The following NDOR1 variants were observed in gnomAD, a reference collection of about 807,000 sequenced individuals.
The protein encoded by NDOR1 is NADPH-dependent diflavin oxidoreductase 1.
In NDOR1, 61 loss-of-function variants were observed where a neutral mutation model predicts 67.2. That is an observed-to-expected ratio of 0.91 (90% CI 0.74 to 1.12). NDOR1 has a LOEUF of 1.12. Ranked by LOEUF, NDOR1 falls within the 50% of genes most tolerant of loss-of-function variation. The pLI, the probability that NDOR1 is intolerant of heterozygous loss-of-function variation, is 0.00. For missense variants in NDOR1, 878 were observed against 802.8 expected, an observed-to-expected ratio of 1.09 and a Z score of -1.13; for synonymous variants, 378 against 343.7, an observed-to-expected ratio of 1.10 and a Z score of -1.10.
intron 2 of NDOR1, among the ~76,000 whole-genome samples, chr9:137,211,106 A>C (rs995934264): frequency 1.3e-5 from 2 of 152,342 alleles, no homozygotes; most frequent in East Asian, 3.9e-4. Context: ...GCACCATTGC[A>C]CTCCAGCCTG....
At position 137,218,793 on chromosome 9, in the gene NDOR1, CAG is replaced by C; in HGVS notation, c.*2380_*2381del. 1 of 396,832 alleles carries C rather than the reference CAG, an allele frequency of 2.5e-6. No individual in the cohort carries two copies. The highest frequency in any genetic ancestry group is 4.4e-6 in the Non-Finnish European group (1 of 225,410). The allele number at this position is 396,832 out of a possible 1,614,324, so 24.6% of individuals were successfully genotyped here. On this transcript the variant is annotated 3_prime_UTR_variant, in exon 14 of 14. Coordinates refer to ENST00000684003, the MANE Select transcript of NDOR1 (RefSeq NM_014434.4). Reference sequence around the variant, plus strand: ...GGGCTACCCAGAGGCCTGACCCTGCCAGAGTCCATGGCTGCACTGCTGCCCAG... The same window carrying C: ...GGGCTACCCAGAGGCCTGACCCTGCCAGTCCATGGCTGCACTGCTGCCCAG...
Position 137,212,423 on chromosome 9 carries a change from T to C in NDOR1, c.214-79T>C. The C allele has an allele frequency of 7.6e-7, 1 of 1,312,378 alleles. No individual in the cohort carries two copies. The highest frequency in any genetic ancestry group is 1.1e-6 in the Non-Finnish European group (1 of 908,508). 81.3% of individuals were successfully genotyped at this position (1,312,378 alleles called of 1,614,324 possible). On this transcript the variant is annotated intron_variant, in intron 2 of 13. Transcript: ENST00000684003. The surrounding 1 kb of genome is among the most constrained non-coding windows in gnomAD (Gnocchi z 4.3). The stretch of plus-strand genomic sequence containing the variant: ...CATCCTACCCACCTGCCTGTTCCCC[T>C]GAGACCCTCCCCTCACCCCCTGCTG...
intron 9 of NDOR1, 62 bp from the exon 10 acceptor site, chr9:137,215,345 A>G: frequency 1.3e-6 from 2 of 1,570,612 alleles, no homozygotes; most frequent in Non-Finnish European, 1.7e-6. Context: ...GGTGGGGCCC[A>G]CGGCCCAGGC....
At position 137,218,860 on chromosome 9, in the gene NDOR1, C is replaced by T. The variant is rs1347599396; in HGVS notation, c.*2444C>T. On this transcript the variant is annotated 3_prime_UTR_variant, in exon 14 of 14. Coordinates refer to ENST00000684003, the MANE Select transcript of NDOR1 (RefSeq NM_014434.4). ...CAAGGACACCAGCGCCCAAGGACAG[C>T]TCCTGGAGGAGGCCAGCCCAGCAGG... The T allele has an allele frequency of 5.2e-6, 2 of 384,172 alleles. No homozygotes were observed. Among genetic ancestry groups the T allele is most frequent in the Non-Finnish European group, 9.2e-6 (2 of 217,444 alleles). 23.8% of individuals were successfully genotyped at this position (384,172 alleles called of 1,614,324 possible).
At chr9:137,210,043 A>G (rs1386402465) in intron 2 of NDOR1, among the ~76,000 whole-genome samples, 1 of 151,900 alleles carries the variant, frequency 6.6e-6, no homozygotes, top group Non-Finnish European at 1.5e-5. Flanking sequence ...CAGTGAGCCG[A>G]GATCACACCA....
chr9:137,215,388 A>ACCCCCC lies in NDOR1; in HGVS notation c.1174-15_1174-14insCCCCCC. The ACCCCCC allele has an allele frequency of 6.6e-6, 7 of 1,064,852 alleles. No individual in the cohort carries two copies. Among genetic ancestry groups the ACCCCCC allele is most frequent in the Non-Finnish European group, 9.9e-6 (7 of 706,640 alleles). The allele number at this position is 1,064,852 out of a possible 1,614,324, so 66.0% of individuals were successfully genotyped here. ...AGGGCAGCCTTGTTCCACCACCCCC[A>ACCCCCC]CCCCGCCGTCCTCCCCAGACTCACC... is the stretch of plus-strand genomic sequence containing the variant. On this transcript the variant is annotated intron_variant, in intron 9 of 13. Transcript: ENST00000684003.
At position 137,218,711 on chromosome 9, in the gene NDOR1, GT is replaced by G; in HGVS notation, c.*2297del. ...GATGACCAGGCTGGAAAAACCCAAGGTTGGGTCCAGGGCAGTGGCCTTCAAT... is the reference window on the plus strand; with the variant it reads ...GATGACCAGGCTGGAAAAACCCAAGGTGGGTCCAGGGCAGTGGCCTTCAAT... On this transcript the variant is annotated 3_prime_UTR_variant, in exon 14 of 14. Transcript: ENST00000684003. 2.5e-6 allele frequency: 1 copy of G among 397,720 alleles called. No individual in the cohort carries two copies. Among genetic ancestry groups the G allele is most frequent in the Non-Finnish European group, 4.4e-6 (1 of 225,746 alleles). The allele number at this position is 397,720 out of a possible 1,614,324, so 24.6% of individuals were successfully genotyped here.
chr9:137,211,816 G>A (rs540570615), intron 2 of NDOR1, among the ~76,000 whole-genome samples: 14 of 151,944 alleles, frequency 9.2e-5, no homozygotes, highest in South Asian at 6.3e-4. Flanking sequence ...GTGGGTGGGC[G>A]GCGAAGACCA....
rs779231606 is a variant in NDOR1, at chr9:137,212,595, G to A, written c.307G>A (p.Ala103Thr). The A allele has an allele frequency of 9.9e-6, 16 of 1,612,782 alleles. No individual in the cohort carries two copies. Among genetic ancestry groups the A allele is most frequent in the Admixed American group, 5.0e-5 (3 of 59,992 alleles). Residue 103 changes from alanine to threonine, a missense_variant, in exon 3 of 14, where the codon GCC (alanine) becomes ACC (threonine). Ala to Thr is a moderately conservative substitution (Grantham distance 58). Transcript: ENST00000684003. The surrounding 1 kb of genome is among the most constrained non-coding windows in gnomAD (Gnocchi z 4.3). ...AVLGLGDSSY[A>T]KFNFVAKKLH... is the part of the protein sequence containing the mutation. ...CCTGGGCCTCGGGGACTCCTCATAC[G>A]CCAAGTGAGTAGGGGATGGGACAGT...
Position 137,217,892 on chromosome 9 carries a change from T to C in NDOR1, c.*1476T>C. The C allele has an allele frequency of 2.5e-6, 1 of 398,136 alleles. No individual in the cohort carries two copies. The highest frequency in any genetic ancestry group is 4.4e-6 in the Non-Finnish European group (1 of 226,040). 24.7% of individuals were successfully genotyped at this position (398,136 alleles called of 1,614,324 possible). A position where few individuals can be genotyped will look rare whatever the true frequency, so the allele number is the denominator to read the frequency against. On this transcript the variant is annotated 3_prime_UTR_variant, in exon 14 of 14. Coordinates refer to ENST00000684003, the MANE Select transcript of NDOR1 (RefSeq NM_014434.4). ...ACCTGGGTCCTCTCTGGGCCCTGAGTGCCTGGACCCTCTGTGCCAAGCACC... is the reference window on the plus strand; with the variant it reads ...ACCTGGGTCCTCTCTGGGCCCTGAGCGCCTGGACCCTCTGTGCCAAGCACC...
chr9:137,218,150 G>C lies in NDOR1; in HGVS notation c.*1734G>C, dbSNP rs964285466. 5.5e-5 allele frequency: 22 copies of C among 398,360 alleles called. No homozygotes were observed. The highest frequency in any genetic ancestry group is 9.3e-5 in the Non-Finnish European group (21 of 226,100). The allele number at this position is 398,360 out of a possible 1,614,324, so 24.7% of individuals were successfully genotyped here. ...GCTGAACTGTAGCCACGGCCTGTGT[G>C]TGGGCTGCCTGCACAGGCTGCTGGG... On this transcript the variant is annotated 3_prime_UTR_variant, in exon 14 of 14. Transcript: ENST00000684003.
intron 6 of NDOR1, 51 bp downstream of exon 6, chr9:137,214,464 TGG>T (rs762197152): frequency 3.6e-5 from 6 of 167,468 alleles, no homozygotes; most frequent in Non-Finnish European, 5.0e-5. Context: ...GCCGTGGGTC[TGG>T]GGTTCGGAGG....
chr9:137,208,831 A>G (rs1835107710), intron 2 of NDOR1, among the ~76,000 whole-genome samples: 1 of 151,932 alleles, frequency 6.6e-6, no homozygotes. Context: ...CTCAAAAAAA[A>G]AAAGACGGGA....
In NDOR1 at chr9:137,212,692, C is replaced by A; in HGVS notation, c.311+93C>A. On this transcript the variant is annotated intron_variant, in intron 3 of 13. Transcript: ENST00000684003. This position sits in a 1 kb window ranked among gnomAD's most constrained non-coding sequence, Gnocchi z 4.3. Reference sequence around the variant, plus strand: ...GAGGACCGAGACCAGCTTCCAGGGTCGGCCCCTGCGCGCCTCAGGGCCCTC... The same window carrying A: ...GAGGACCGAGACCAGCTTCCAGGGTAGGCCCCTGCGCGCCTCAGGGCCCTC... The A allele has an allele frequency of 2.5e-6, 3 of 1,212,488 alleles. No individual in the cohort carries two copies. In the South Asian group the frequency reaches 3.7e-5, roughly 15 times the overall value. 75.1% of individuals were successfully genotyped at this position (1,212,488 alleles called of 1,614,324 possible).
rs1284379740 is a variant in NDOR1 at position 137,213,867 on chromosome 9, G to A, written c.399G>A (p.Gln133=). ...TGCCCGTGTGCCTGGGCGATGACCA[G>A]CATGAGCTGGGGTGAGTCTGCGGGC... is the stretch of plus-strand genomic sequence containing the variant. ...ALLPVCLGDD[Q]HELGPDAAVD... Residue 133 remains glutamine, a synonymous_variant, in exon 4 of 14, where the codon CAG becomes CAA. Transcript: ENST00000684003. 6.2e-7 allele frequency: 1 copy of A among 1,610,510 alleles called. No homozygotes were observed. Among genetic ancestry groups the A allele is most frequent in the African/African-American group, 1.3e-5 (1 of 74,918 alleles).
Position 137,216,262 on chromosome 9 carries a change from G to A in NDOR1, c.1650-10G>A. ...GGCCTCATTGCGCCTTCTGCGACCTGCCCCTCTAGCAACGCCAAGTCCATG... is the reference window on the plus strand; with the variant it reads ...GGCCTCATTGCGCCTTCTGCGACCTACCCCTCTAGCAACGCCAAGTCCATG... On this transcript the variant is annotated splice_polypyrimidine_tract_variant and intron_variant, in intron 13 of 13. Coordinates refer to ENST00000684003, the MANE Select transcript of NDOR1 (RefSeq NM_014434.4). 1 of 1,613,058 alleles carries A rather than the reference G, an allele frequency of 6.2e-7. No homozygotes were observed. The highest frequency in any genetic ancestry group is 2.2e-5 in the East Asian group (1 of 44,870).
At chr9:137,211,219 G>A (rs901255002) in intron 2 of NDOR1, among the ~76,000 whole-genome samples, 30 of 152,326 alleles carry the variant, frequency 2.0e-4, no homozygotes, top group African/African-American at 6.3e-4. Flanking sequence ...ACCAAAATTC[G>A]AAGATAATTC....
At position 137,213,897 on chromosome 9, in the gene NDOR1, T is replaced by C. The variant is rs2131373267; in HGVS notation, c.410+19T>C. 6.3e-7 allele frequency: 1 copy of C among 1,598,950 alleles called. No individual in the cohort carries two copies. The highest frequency in any genetic ancestry group is 8.5e-7 in the Non-Finnish European group (1 of 1,172,134). On this transcript the variant is annotated intron_variant, in intron 4 of 13. Transcript: ENST00000684003. ...AGCTGGGGTGAGTCTGCGGGCGTGG[T>C]ACCCGCCTCCACAGTCTGGTCTGGC...
rs117332028 is a variant in NDOR1 at position 137,214,689 on chromosome 9, C to T, written c.842C>T (p.Pro281Leu). The T allele has an allele frequency of 3.9e-3, 6,246 of 1,602,532 alleles. 139 individuals are homozygous for T. The East Asian group carries it at 0.067, about 17-fold the overall frequency. The stretch of plus-strand genomic sequence containing the variant: ...CTCTTCATGCTGCAGCCGCGGGAGC[C>T]AGGTGAGCCCAGCCTCGGCCACCCT... ...DQLFMLQPRE[P>L]DVSSPTRLPQ... The change falls in exon 7 of 14, where the codon CCA becomes CTA. Residue 281 changes from proline to leucine, a missense_variant and splice_region_variant. By Grantham distance (98) the Pro-to-Leu change is moderately conservative (BLOSUM62 -3). Coordinates refer to ENST00000684003, the MANE Select transcript of NDOR1 (RefSeq NM_014434.4).
Sources: allele counts gnomAD v4.1 joint callset (sites outside exome capture counted in the v4.1 genomes callset), GRCh38; gene constraint gnomAD v4.1.1; non-coding constraint Gnocchi (gnomAD v3.1); transcripts MANE v1.5; gene names NCBI Gene and HGNC (gene_info 2026-07-23, HGNC 2026-07-21).